The following ATP11C variants were observed in gnomAD, a reference collection of about 807,000 sequenced individuals.
ATP11C encodes the protein ATPase phospholipid transporting 11C (ATP11C blood group), also known as phospholipid-transporting ATPase IG.
Under a neutral mutation model 97.4 loss-of-function variants are expected in ATP11C, and 36 were observed. That is an observed-to-expected ratio of 0.37 (90% CI 0.28 to 0.49). The LOEUF is 0.49. ATP11C is among the 20% of genes least tolerant of loss of function. ATP11C has a pLI of 0.98. For synonymous variants in ATP11C, 275 were observed against 290.9 expected (o/e 0.95, Z 0.56); for missense variants, 730 against 824.6 (o/e 0.89, Z 1.40).
intron 13 of ATP11C, 128 bp from the exon 14 acceptor site, chrX:139,788,471 G>A (rs1453693824): frequency 1.7e-5 from 10 of 600,406 alleles, no homozygotes; most frequent in Middle Eastern, 5.0e-4. Flanking sequence ...TAGCAGATAC[G>A]TATAAATTCT....
chrX:139,783,378 G>T, intron 16 of ATP11C, 111 bp from the exon 17 acceptor site: 1 of 485,320 alleles, frequency 2.1e-6, no homozygotes, highest in Non-Finnish European at 3.4e-6. Context: ...TATATTCTGA[G>T]CACACCTTGC....
chrX:139,892,571 T>C (rs993361336), intron 1 of ATP11C, among the ~76,000 whole-genome samples: 3 of 111,640 alleles, frequency 2.7e-5, no homozygotes, highest in African/African-American at 9.8e-5. Context: ...TACCTTTGGA[T>C]GAATTGGGGT....
At chrX:139,905,479 CAAT>C (rs1288663914) in intron 1 of ATP11C, among the ~76,000 whole-genome samples, 6 of 111,662 alleles carry the variant, frequency 5.4e-5, no homozygotes, top group African/African-American at 2.0e-4. Flanking sequence ...CATTATATAA[CAAT>C]GTTTCTTATC....
chrX:139,802,377 A>T, intron 6 of ATP11C, 38 bp from the exon 7 acceptor site: 1 of 979,232 alleles, frequency 1.0e-6, no homozygotes, highest in Non-Finnish European at 1.4e-6. Flanking sequence ...AACCAAAAAA[A>T]CTTTCTTTTC....
At chrX:139,780,039 A>G (rs997330288) in intron 18 of ATP11C, among the ~76,000 whole-genome samples, 5 of 111,224 alleles carry the variant, frequency 4.5e-5, no homozygotes, top group African/African-American at 1.6e-4. Context: ...AAGCTATGAA[A>G]CTGAATCAGT....
chrX:139,768,794 T>C (rs2082188511), intron 19 of ATP11C, among the ~76,000 whole-genome samples: 1 of 109,137 alleles, frequency 9.2e-6, no homozygotes, highest in African/African-American at 3.3e-5. Context: ...GAGATCATCC[T>C]AGATAACTAA....
intron 1 of ATP11C, among the ~76,000 whole-genome samples, chrX:139,915,653 T>C (rs2085143571): frequency 9.1e-6 from 1 of 110,410 alleles, no homozygotes; most frequent in South Asian, 3.8e-4. Context: ...AGCAAGACTC[T>C]ATCTCAAAAA....
chrX:139,785,698 C>T (rs1465097938), intron 15 of ATP11C, among the ~76,000 whole-genome samples: 1 of 111,655 alleles, frequency 9.0e-6, no homozygotes, highest in East Asian at 2.8e-4. Context: ...CTGCCTGAGT[C>T]CCTTCCCTTA....
intron 1 of ATP11C, among the ~76,000 whole-genome samples, chrX:139,916,848 A>C (rs1315039804): frequency 8.9e-6 from 1 of 111,898 alleles, no homozygotes; most frequent in African/African-American, 3.2e-5. Context: ...GCAACTCCTG[A>C]TTTCAAAACA....
intron 1 of ATP11C, among the ~76,000 whole-genome samples, chrX:139,887,173 AC>A (rs1453167135): frequency 8.9e-6 from 1 of 112,189 alleles, no homozygotes; most frequent in Non-Finnish European, 1.9e-5. Context: ...ATGAATCTCA[AC>A]CTGTATCTTG....
At position 139,785,245 on chromosome X, in the gene ATP11C, TAC is replaced by T; in HGVS notation, c.1645_1646del (p.Val549AsnfsTer14). ...NFDAVRRRMS[V>X]IVKTQEGDIL... ...ATGTACCTTCTTGAGTCTTCACAAT[TAC>T]ACTCATACGTCGCCGGACAGCATCA... is the stretch of plus-strand genomic sequence containing the variant. On this transcript the variant is annotated frameshift_variant, in exon 16 of 30. Transcript: ENST00000682941. LOFTEE classifies it high-confidence loss of function. 1 of 1,207,476 alleles carries T rather than the reference TAC, an allele frequency of 8.3e-7. No homozygotes were observed. Among genetic ancestry groups the T allele is most frequent in the African/African-American group, 1.7e-5 (1 of 57,702 alleles).
At chrX:139,756,565 T>G (rs1231667904) in intron 23 of ATP11C, among the ~76,000 whole-genome samples, 1 of 111,743 alleles carries the variant, frequency 8.9e-6, no homozygotes, top group Non-Finnish European at 1.9e-5. Context: ...AGATATGTAA[T>G]CAACCTAAAT....
intron 2 of ATP11C, among the ~76,000 whole-genome samples, chrX:139,826,441 C>T (rs2491005): frequency 0.18 from 19,905 of 110,212 alleles, 3,042 homozygotes; most frequent in African/African-American, 0.49. Flanking sequence ...GCAAACTTTA[C>T]GGTTTAAAGT....
chrX:139,754,456 GAGA>G (rs199677114), intron 23 of ATP11C, among the ~76,000 whole-genome samples: 5,679 of 111,624 alleles, frequency 0.051, 241 homozygotes, highest in East Asian at 0.29. Context: ...CAAAAAAATT[GAGA>G]AGGAGGGACT....
rs957055928 is a variant in ATP11C at position 139,770,388 on chromosome X, T to G, written c.2217-1954A>C. Among the ~76,000 whole-genome samples the G allele has an allele frequency of 5.4e-5, 6 of 111,712 alleles. No individual in the cohort carries two copies. The Admixed American group carries it at 5.7e-4, about 11-fold the overall frequency. On this transcript the variant is annotated intron_variant, in intron 19 of 29. Coordinates refer to ENST00000682941, the MANE Select transcript of ATP11C (RefSeq NM_001353812.2). ...TGAAAAACAGGGAATAAAGAGGTGATGTAATAGAATGTATGTTGGGGTGCA... is the reference window on the plus strand; with the variant it reads ...TGAAAAACAGGGAATAAAGAGGTGAGGTAATAGAATGTATGTTGGGGTGCA...
chrX:139,784,629 A>C (rs1225128671), intron 16 of ATP11C, among the ~76,000 whole-genome samples: 1 of 111,131 alleles, frequency 9.0e-6, no homozygotes, highest in Non-Finnish European at 1.9e-5. Flanking sequence ...GCCTCCAAAG[A>C]CATGAGGGAG....
At chrX:139,873,344 G>C (rs2084407449) in intron 1 of ATP11C, among the ~76,000 whole-genome samples, 1 of 111,878 alleles carries the variant, frequency 8.9e-6, no homozygotes, top group South Asian at 3.7e-4. Context: ...AAGAGTTCTA[G>C]AGATGGAGAG....
intron 1 of ATP11C, among the ~76,000 whole-genome samples, chrX:139,902,290 A>C (rs1221569669): frequency 4.5e-5 from 5 of 110,924 alleles, no homozygotes; most frequent in Non-Finnish European, 9.4e-5. Context: ...CTGTACCCCG[A>C]CCACCTTGCA....
Position 139,867,064 on chromosome X carries a change from C to T in ATP11C, c.28-40241G>A, listed in dbSNP as rs775643685. Among the ~76,000 whole-genome samples, 19 of 111,594 alleles carry T rather than the reference C, an allele frequency of 1.7e-4. No homozygotes were observed. The South Asian group carries it at 2.6e-3, about 15-fold the overall frequency. On this transcript the variant is annotated intron_variant, in intron 1 of 29. Coordinates refer to ENST00000682941, the MANE Select transcript of ATP11C (RefSeq NM_001353812.2). ...TTGCACTACTGCACTCCAGACTAAG[C>T]GACAGAGCAAGACCCTGTCTTCAAA...
Sources: gnomAD v4.1 joint callset for allele counts (sites outside exome capture counted in the v4.1 genomes callset) on GRCh38, gnomAD v4.1.1 for gene constraint, MANE v1.5 for transcripts, NCBI Gene and HGNC (gene_info 2026-07-23, HGNC 2026-07-21) for gene names.